Variants in MORN1 observed in about 807,000 individuals in gnomAD.
MORN1 encodes the protein MORN repeat containing 1.
In MORN1, 67 loss-of-function variants were observed where a neutral mutation model predicts 61.9. The ratio of observed to expected loss-of-function variants is 1.08; its 90% CI spans 0.89 to 1.33. The LOEUF is 1.33. Among genes scored for constraint, MORN1 ranks in the 40% most tolerant of loss-of-function variants. The pLI is 0.00. For missense variants in MORN1, 752 were observed against 691.2 expected (o/e 1.09, Z -0.99); for synonymous variants, 301 against 292.0 (o/e 1.03, Z -0.31).
intron 1 of MORN1, 36 bp downstream of exon 1, chr1:2,391,422 C>A (rs1042663871): frequency 4.1e-5 from 51 of 1,254,948 alleles, no homozygotes; most frequent in Non-Finnish European, 4.9e-5. Flanking sequence ...GAGCCCAGGG[C>A]AGCCAGCGAC....
intron 6 of MORN1, among the ~76,000 whole-genome samples, chr1:2,383,492 C>T (rs1311454103): frequency 6.6e-6 from 1 of 152,210 alleles, no homozygotes; most frequent in African/African-American, 2.4e-5. Flanking sequence ...ACCACTGCTC[C>T]AACTTTCATA....
At position 2,350,984 on chromosome 1, in the gene MORN1, G is replaced by C. The variant is rs1297284808; in HGVS notation, c.1036+6448C>G. On this transcript the variant is annotated intron_variant, in intron 10 of 13. Transcript: ENST00000378531. The stretch of plus-strand genomic sequence containing the variant: ...GACCTCTGTGCCCCAAAGCCCAAAG[G>C]GTGTGAAGTCTGGAGGTGGCTGAGA... The C allele has an allele frequency of 2.0e-5, 3 of 152,586 alleles. No individual in the cohort carries two copies. The East Asian group carries it at 5.8e-4, about 29-fold the overall frequency. 9.5% of individuals were successfully genotyped at this position (152,586 alleles called of 1,614,324 possible). A position where few individuals can be genotyped will look rare whatever the true frequency, so the allele number is the denominator to read the frequency against.
chr1:2,335,826 CATA>C (rs1173274430), intron 12 of MORN1, among the ~76,000 whole-genome samples: 68 of 150,402 alleles, frequency 4.5e-4, no homozygotes, highest in African/African-American at 1.7e-3. Flanking sequence ...TCCTCGCCTC[CATA>C]GCCCAGCCCA....
rs191339606 is a variant in MORN1 at position 2,373,778 on chromosome 1, G to A, written c.634+683C>T. On this transcript the variant is annotated intron_variant, in intron 7 of 13. Coordinates refer to ENST00000378531, the MANE Select transcript of MORN1 (RefSeq NM_024848.3). Reference sequence around the variant, plus strand: ...CGAGGAGCCCGGGGCCAGCGGGTCTGTGCTGAGGGCAGCAGTTACTGTCAC... The same window carrying A: ...CGAGGAGCCCGGGGCCAGCGGGTCTATGCTGAGGGCAGCAGTTACTGTCAC... 4.1e-3 allele frequency among the ~76,000 whole-genome samples: 619 copies of A among 152,322 alleles called. 3 individuals are homozygous for A. Among genetic ancestry groups the A allele is most frequent in the African/African-American group, 0.014 (600 of 41,558 alleles).
At chr1:2,348,543 G>A (rs1641564494) in intron 10 of MORN1, among the ~76,000 whole-genome samples, 1 of 152,202 alleles carries the variant, frequency 6.6e-6, no homozygotes, top group Admixed American at 6.5e-5. Flanking sequence ...TGCCTGCTGG[G>A]GAGCCGCTGC....
chr1:2,332,178 C>T (rs960782774), intron 12 of MORN1: 24 of 186,910 alleles, frequency 1.3e-4, no homozygotes, highest in Admixed American at 1.8e-4. Flanking sequence ...GGTGACCCCA[C>T]GCTCACCAGG....
At chr1:2,363,894 T>C (rs576962873) in intron 8 of MORN1, among the ~76,000 whole-genome samples, 5 of 149,888 alleles carry the variant, frequency 3.3e-5, no homozygotes, top group South Asian at 2.1e-4. Context: ...AAAATAGATA[T>C]AGAGGGGAAA....
intron 7 of MORN1, 108 bp downstream of exon 7, chr1:2,374,353 C>A: frequency 1.1e-6 from 1 of 901,528 alleles, no homozygotes; most frequent in Admixed American, 2.2e-5. Flanking sequence ...TTTGCCCCAC[C>A]CCTCCCCAGT....
At chr1:2,389,811 A>G in intron 2 of MORN1, 114 bp downstream of exon 2, 1 of 902,672 alleles carries the variant, frequency 1.1e-6, no homozygotes, top group Admixed American at 1.9e-5. Context: ...ACCAGGGTAC[A>G]ATGGGCTCGA....
Position 2,322,314 on chromosome 1 carries a change from G to A in MORN1, c.1298-735C>T, listed in dbSNP as rs566813043. On this transcript the variant is annotated intron_variant, in intron 13 of 13. Coordinates refer to ENST00000378531, the MANE Select transcript of MORN1 (RefSeq NM_024848.3). Reference sequence around the variant, plus strand: ...GCTGGCACCGGAGCGTGGAAAAAGCGCCTCGGCTGGCCCGGGCTCACACCA... The same window carrying A: ...GCTGGCACCGGAGCGTGGAAAAAGCACCTCGGCTGGCCCGGGCTCACACCA... The A allele has an allele frequency of 6.8e-4, 667 of 985,388 alleles. 3 individuals are homozygous for A. In the African/African-American group the frequency reaches 9.7e-3, roughly 14 times the overall value. 61.0% of individuals were successfully genotyped at this position (985,388 alleles called of 1,614,324 possible).
chr1:2,372,342 C>T lies in MORN1; in HGVS notation c.745+139G>A, dbSNP rs939758950. The T allele has an allele frequency of 5.8e-5, 38 of 658,498 alleles. No homozygotes were observed. Among genetic ancestry groups the T allele is most frequent in the African/African-American group, 9.1e-5 (5 of 54,810 alleles). 40.8% of individuals were successfully genotyped at this position (658,498 alleles called of 1,614,324 possible). ...GGAAGCTGGCACACCTGCGACCTCT[C>T]TGCCAGGCTCTGGGCACGAAGTCAC... is the stretch of plus-strand genomic sequence containing the variant. On this transcript the variant is annotated intron_variant, in intron 8 of 13. Coordinates refer to ENST00000378531, the MANE Select transcript of MORN1 (RefSeq NM_024848.3). This position sits in a 1 kb window ranked among gnomAD's most constrained non-coding sequence, Gnocchi z 5.4.
chr1:2,351,726 C>A, intron 10 of MORN1: 1 of 518,574 alleles, frequency 1.9e-6, no homozygotes, highest in Non-Finnish European at 3.8e-6. Context: ...GAACTCATCA[C>A]AATCACAGGG....
intron 7 of MORN1, among the ~76,000 whole-genome samples, chr1:2,373,315 G>C (rs1023955948): frequency 2.6e-5 from 4 of 152,258 alleles, no homozygotes; most frequent in Non-Finnish European, 5.9e-5. Flanking sequence ...GTAATGGTGG[G>C]GCTGGGGAAG....
rs373233040 is a variant in MORN1 at position 2,321,539 on chromosome 1, C to T, written c.1338G>A (p.Pro446=). The part of the protein sequence containing the change: ...VLMIRDVTTP[P]FLGRRLPPAF... ...CCGGGGGCAGCCTGCGCCCCAGGAA[C>T]GGCGGGGTGGTCACGTCGCGGATCA... The change falls in exon 14 of 14, where the codon CCG becomes CCA. Residue 446 remains proline (P), a synonymous_variant. Coordinates refer to ENST00000378531, the MANE Select transcript of MORN1 (RefSeq NM_024848.3). 73 of 1,528,100 alleles carry T rather than the reference C, an allele frequency of 4.8e-5. No homozygotes were observed. The highest frequency in any genetic ancestry group is 1.7e-4 in the Middle Eastern group (1 of 5,840). The allele number at this position is 1,528,100 out of a possible 1,614,324, so 94.7% of individuals were successfully genotyped here.
At chr1:2,332,874 G>A (rs891638919) in intron 12 of MORN1, 6 of 377,376 alleles carry the variant, frequency 1.6e-5, no homozygotes, top group East Asian at 1.4e-4. Flanking sequence ...GCCTCGAGGG[G>A]CCAAGCTCTG....
intron 13 of MORN1, chr1:2,323,860 G>A (rs1032310949): frequency 1.0e-6 from 1 of 985,182 alleles, no homozygotes; most frequent in Non-Finnish European, 1.2e-6. Flanking sequence ...CCACATCAAG[G>A]GCTGTGTCGG....
At chr1:2,348,425 C>G (rs1046064414) in intron 10 of MORN1, among the ~76,000 whole-genome samples, 1 of 152,202 alleles carries the variant, frequency 6.6e-6, no homozygotes, top group Non-Finnish European at 1.5e-5. Flanking sequence ...CCTCCTCCCT[C>G]TGCCCTCCAT....
chr1:2,374,549 C>T lies in MORN1; in HGVS notation c.546G>A (p.Trp182Ter). The T allele has an allele frequency of 6.3e-7, 1 of 1,590,980 alleles. No individual in the cohort carries two copies. Among genetic ancestry groups the T allele is most frequent in the South Asian group, 1.2e-5 (1 of 86,940 alleles). ...CADGSTYKGQWHSDVFSGLGS... is the reference protein window; with the variant it reads ...CADGSTYKGQ ...CCAGTCCACTGAAGACGTCGCTGTGCCACTGTCCCTGCAGAGAGAAGGGTG... is the reference window on the plus strand; with the variant it reads ...CCAGTCCACTGAAGACGTCGCTGTGTCACTGTCCCTGCAGAGAGAAGGGTG... The change falls in exon 7 of 14, where the codon TGG becomes TGA. Residue 182 changes from tryptophan to a stop codon, truncating the protein, a stop_gained. Transcript: ENST00000378531. LOFTEE classifies it high-confidence loss of function.
At position 2,370,804 on chromosome 1, in the gene MORN1, G is replaced by A. The variant is rs541449258; in HGVS notation, c.745+1677C>T. Among the ~76,000 whole-genome samples the A allele has an allele frequency of 1.6e-4, 25 of 151,728 alleles. No individual in the cohort carries two copies. In the South Asian group the frequency reaches 2.5e-3, roughly 15 times the overall value. ...GGGACTCTCCCAATTTCAGCCTTCC[G>A]AGTAGCTGGGACCACACGCATGCAC... On this transcript the variant is annotated intron_variant, in intron 8 of 13. Coordinates refer to ENST00000378531, the MANE Select transcript of MORN1 (RefSeq NM_024848.3).
Sources: allele counts gnomAD v4.1 joint callset (sites outside exome capture counted in the v4.1 genomes callset), GRCh38; gene constraint gnomAD v4.1.1; non-coding constraint Gnocchi (gnomAD v3.1); transcripts MANE v1.5; gene names NCBI Gene and HGNC (gene_info 2026-07-23, HGNC 2026-07-21).